COL15A1: variants seen among roughly 807,000 people sequenced by gnomAD.
COL15A1 encodes the protein collagen type XV alpha 1 chain.
COL15A1 carries 111 observed loss-of-function variants against 165.9 expected under a neutral mutation model. The observed-to-expected ratio is 0.67, with a 90% CI of 0.57 to 0.78. COL15A1 has a LOEUF of 0.78. COL15A1 is among the 30% of genes least tolerant of loss of function. The probability of loss-of-function intolerance (pLI) is 0.00; values close to 1 mark genes in which losing one functional copy is unlikely to be tolerated. For synonymous variants in COL15A1, 659 were observed against 674.8 expected, an observed-to-expected ratio of 0.98 and a Z score of 0.36; for missense variants, 1,745 against 1,789.7, an observed-to-expected ratio of 0.98 and a Z score of 0.45.
chr9:98,963,981 G>T (rs922673340), intron 2 of COL15A1, among the ~76,000 whole-genome samples: 3 of 152,230 alleles, frequency 2.0e-5, no homozygotes, highest in South Asian at 2.1e-4. Context: ...CCTGACATTT[G>T]CCCTGTGCCA....
intron 2 of COL15A1, among the ~76,000 whole-genome samples, chr9:98,954,044 T>C (rs1272687566): frequency 1.3e-5 from 2 of 152,144 alleles, no homozygotes; most frequent in South Asian, 2.1e-4. Context: ...GAGGGACTCA[T>C]AGTTCAGTAG....
intron 2 of COL15A1, among the ~76,000 whole-genome samples, chr9:98,981,872 A>G (rs1588500684): frequency 1.3e-5 from 2 of 152,014 alleles, no homozygotes; most frequent in South Asian, 4.2e-4. Flanking sequence ...TGGGGTGATC[A>G]TAGCTCACTG....
rs199515191 is a variant in COL15A1, at chr9:99,047,989, G to T, written c.2782G>T (p.Val928Phe). Residue 928 changes from valine to phenylalanine, a missense_variant, in exon 28 of 42, where the codon GTC (valine) becomes TTC (phenylalanine). Coordinates refer to ENST00000375001, the MANE Select transcript of COL15A1 (RefSeq NM_001855.5). ...GLKGTKGDPGVIMQGPPGLPG... is the reference protein window; with the variant it reads ...GLKGTKGDPGFIMQGPPGLPG... ...CAAGGGTACCAAAGGAGATCCAGGG[G>T]TCATTATGCAGGTGAGTCACCCTGG... 4.4e-6 allele frequency: 7 copies of T among 1,576,932 alleles called. No homozygotes were observed. Among genetic ancestry groups the T allele is most frequent in the Non-Finnish European group, 4.3e-6 (5 of 1,155,138 alleles).
chr9:99,025,010 G>GAA lies in COL15A1; in HGVS notation c.1980+12_1980+13dup, dbSNP rs755076830. 32 of 1,611,864 alleles carry GAA rather than the reference G, an allele frequency of 2.0e-5. No homozygotes were observed. In the African/African-American group the frequency reaches 4.1e-4, roughly 21 times the overall value. On this transcript the variant is annotated intron_variant, in intron 15 of 41. Coordinates refer to ENST00000375001, the MANE Select transcript of COL15A1 (RefSeq NM_001855.5). Reference sequence around the variant, plus strand: ...GAACCTGGGCCCCCGGTGAGCAACTGAAGTCTTCTCCCCATCTCTGTGGCT... The same window carrying GAA: ...GAACCTGGGCCCCCGGTGAGCAACTGAAAAGTCTTCTCCCCATCTCTGTGGCT...
Position 99,060,017 on chromosome 9 carries a change from C to T in COL15A1, c.3402+64C>T. 3.2e-6 allele frequency: 5 copies of T among 1,562,014 alleles called. No homozygotes were observed. In the South Asian group the frequency reaches 4.6e-5, roughly 14 times the overall value. ...GGGATAGATATACTTAAAACTCTGC[C>T]TACGATCTCCTGTGTCTGACATCCC... On this transcript the variant is annotated intron_variant, in intron 36 of 41. Transcript: ENST00000375001.
At chr9:99,061,071 G>A (rs1359840400) in intron 36 of COL15A1, among the ~76,000 whole-genome samples, 1 of 152,186 alleles carries the variant, frequency 6.6e-6, no homozygotes, top group Non-Finnish European at 1.5e-5. Context: ...GTAATGCACA[G>A]AAAAATGGAC....
rs573677215 is a variant in COL15A1 at position 99,023,613 on chromosome 9, A to G, written c.1854+164A>G. Among the ~76,000 whole-genome samples the G allele has an allele frequency of 1.4e-3, 209 of 152,258 alleles. 1 individual carries two copies. The highest frequency in any genetic ancestry group is 4.6e-3 in the African/African-American group (193 of 41,536). ...ATTCTACTTTTCCTTGTGCTTGTAT[A>G]TATGTTTGAAATTGTTCACTTTGAT... is the stretch of plus-strand genomic sequence containing the variant. On this transcript the variant is annotated intron_variant, in intron 14 of 41. Transcript: ENST00000375001.
intron 5 of COL15A1, 148 bp downstream of exon 5, chr9:98,989,406 T>A (rs903196798): frequency 7.6e-6 from 5 of 655,038 alleles, no homozygotes; most frequent in African/African-American, 7.4e-5. Context: ...GTCAGGAAAA[T>A]AATGGCCAAT....
intron 2 of COL15A1, among the ~76,000 whole-genome samples, chr9:98,946,571 A>C (rs1837586826): frequency 6.6e-6 from 1 of 152,176 alleles, no homozygotes; most frequent in Non-Finnish European, 1.5e-5. Context: ...TGACTTCCTC[A>C]AGGCCGCATG....
chr9:99,046,884 T>A (rs1425399440), intron 26 of COL15A1, among the ~76,000 whole-genome samples: 2 of 152,222 alleles, frequency 1.3e-5, no homozygotes, highest in Non-Finnish European at 2.9e-5. Context: ...TTTCTTTCCC[T>A]AAGAGTAATA....
In COL15A1 at chr9:99,004,926, C is replaced by T; in HGVS notation, c.1229C>T (p.Ala410Val). 3.7e-6 allele frequency: 6 copies of T among 1,614,080 alleles called. No individual in the cohort carries two copies. Among genetic ancestry groups the T allele is most frequent in the Non-Finnish European group, 5.1e-6 (6 of 1,179,982 alleles). Residue 410 changes from alanine to valine, a missense_variant, in exon 9 of 42, where the codon GCA becomes GTA. Coordinates refer to ENST00000375001, the MANE Select transcript of COL15A1 (RefSeq NM_001855.5). ...PGPDNEERLAATAAGEAEALA... is the reference protein window; with the variant it reads ...PGPDNEERLAVTAAGEAEALA... ...CCAGATAATGAAGAGCGTTTAGCAG[C>T]AACAGCAGCAGGGGAGGCCGAGGCA... is the stretch of plus-strand genomic sequence containing the variant.
intron 23 of COL15A1, chr9:99,040,985 C>T (rs1215263979): frequency 1.6e-5 from 3 of 182,562 alleles, no homozygotes; most frequent in Admixed American, 5.5e-5. Context: ...GGCCAAACCC[C>T]TAAGCTCCAG....
chr9:98,968,496 C>G (rs1837992471), intron 2 of COL15A1, among the ~76,000 whole-genome samples: 1 of 152,108 alleles, frequency 6.6e-6, no homozygotes, highest in Admixed American at 6.5e-5. Context: ...TAATCTTTGC[C>G]TCTGTGGCCA....
chr9:99,038,583 T>A, intron 21 of COL15A1, 85 bp from the exon 22 acceptor site: 1 of 843,146 alleles, frequency 1.2e-6, no homozygotes. Context: ...CTATGCTGGG[T>A]GACTTTAATT....
chr9:98,965,345 A>G (rs1837939244), intron 2 of COL15A1, among the ~76,000 whole-genome samples: 1 of 152,202 alleles, frequency 6.6e-6, no homozygotes, highest in South Asian at 2.1e-4. Context: ...AAGAGCTGGG[A>G]AGTCCCAACC....
At chr9:98,989,327 GC>G in intron 5 of COL15A1, 69 bp downstream of exon 5, 2 of 1,281,926 alleles carry the variant, frequency 1.6e-6, no homozygotes, top group Non-Finnish European at 2.2e-6. Context: ...ACTAGAGGGG[GC>G]CCAGAGTCCT....
Position 99,015,352 on chromosome 9 carries a change from C to G in COL15A1, c.1354-65C>G, listed in dbSNP as rs1023434348. 4.3e-5 allele frequency: 49 copies of G among 1,136,904 alleles called. No individual in the cohort carries two copies. In the Admixed American group the frequency reaches 8.2e-4, roughly 19 times the overall value. 70.4% of individuals were successfully genotyped at this position (1,136,904 alleles called of 1,614,324 possible). A position where few individuals can be genotyped will look rare whatever the true frequency, so the allele number is the denominator to read the frequency against. ...GCTTTAGCGCTTTCCACCCCCCAGC[C>G]TCACACCCACTGAACCAGGGGCATG... is the stretch of plus-strand genomic sequence containing the variant. On this transcript the variant is annotated intron_variant, in intron 9 of 41. Coordinates refer to ENST00000375001, the MANE Select transcript of COL15A1 (RefSeq NM_001855.5).
intron 15 of COL15A1, among the ~76,000 whole-genome samples, chr9:99,025,499 C>T (rs1240930663): frequency 6.6e-6 from 1 of 152,170 alleles, no homozygotes; most frequent in African/African-American, 2.4e-5. Flanking sequence ...GCATTTTGGA[C>T]TTAAGATATT....
chr9:98,993,180 G>C (rs1838477897), intron 5 of COL15A1, among the ~76,000 whole-genome samples: 1 of 152,208 alleles, frequency 6.6e-6, no homozygotes, highest in Non-Finnish European at 1.5e-5. Flanking sequence ...CATAGGGTCA[G>C]TGTGAAAATT....
Sources: gnomAD v4.1 joint callset for allele counts (sites outside exome capture counted in the v4.1 genomes callset) on GRCh38, gnomAD v4.1.1 for gene constraint, MANE v1.5 for transcripts, NCBI Gene and HGNC (gene_info 2026-07-23, HGNC 2026-07-21) for gene names.